The following NAV2 variants were observed in gnomAD, a reference collection of about 807,000 sequenced individuals.
The protein encoded by NAV2 is helicase, APC down-regulated 1.
A neutral mutation model predicts 223.2 loss-of-function variants in NAV2; 54 were observed. The ratio of observed to expected loss-of-function variants is 0.24; its 90% CI spans 0.19 to 0.30. The LOEUF is 0.30. Among genes scored for constraint, NAV2 ranks in the 10% least tolerant of loss-of-function variants. The pLI is 1.00. For missense variants in NAV2, 2,806 were observed against 3,147.5 expected, an observed-to-expected ratio of 0.89 and a Z score of 2.60; for synonymous variants, 1,279 against 1,239.3, an observed-to-expected ratio of 1.03 and a Z score of -0.67.
chr11:19,939,902 A>C, intron 8 of NAV2, 129 bp downstream of exon 8: 1 of 450,830 alleles, frequency 2.2e-6, no homozygotes, highest in East Asian at 3.8e-5. Flanking sequence ...AGCTAAACAA[A>C]CTTTCTTTCT....
chr11:19,816,151 G>A (rs1400233189), intron 1 of NAV2, among the ~76,000 whole-genome samples: 1 of 152,192 alleles, frequency 6.6e-6, no homozygotes. Flanking sequence ...CTGGGCTGGA[G>A]AAGGGCCCGG....
chr11:20,078,129 G>A (rs929296459), intron 24 of NAV2, 25 bp downstream of exon 24: 5 of 1,565,344 alleles, frequency 3.2e-6, no homozygotes, highest in East Asian at 2.3e-5. Context: ...ACAGCCTTTA[G>A]CCAGAAGACC....
chr11:19,744,356 T>G (rs565405813), intron 1 of NAV2, among the ~76,000 whole-genome samples: 1 of 152,292 alleles, frequency 6.6e-6, no homozygotes, highest in South Asian at 2.1e-4. Flanking sequence ...TGCCAGCTGT[T>G]GGCTGTCACT....
At chr11:19,550,723 A>G (rs1297550394) in intron 1 of NAV2, among the ~76,000 whole-genome samples, 1 of 152,186 alleles carries the variant, frequency 6.6e-6, no homozygotes, top group Non-Finnish European at 1.5e-5. Flanking sequence ...AGGAGGCAGG[A>G]CTCAACTCCT....
At chr11:19,784,388 TAAAAAAAAAAAAA>T (rs1162911472) in intron 1 of NAV2, among the ~76,000 whole-genome samples, 1 of 50,948 alleles carries the variant, frequency 2.0e-5, no homozygotes, top group East Asian at 6.8e-4. Context: ...AGCTCCATCT[TAAAAAAAAAAAAA>T]AAAAAAAAAA....
At chr11:19,548,876 CAAAAAAAAAAAAA>C (rs10709105) in intron 1 of NAV2, among the ~76,000 whole-genome samples, 19 of 78,644 alleles carry the variant, frequency 2.4e-4, no homozygotes, top group Non-Finnish European at 4.6e-4. Context: ...GGCTCCGTCT[CAAAAAAAAAAAAA>C]AAAAAAACAC....
chr11:19,879,859 T>A lies in NAV2; in HGVS notation c.512-10T>A. ...CCCCATCTGACAAGAGTCTCTTTAT[T>A]GTCTTGCAGAGATCAGGAATGGAAA... is the stretch of plus-strand genomic sequence containing the variant. On this transcript the variant is annotated splice_polypyrimidine_tract_variant and intron_variant, in intron 4 of 37. Transcript: ENST00000349880. 1 of 1,613,926 alleles carries A rather than the reference T, an allele frequency of 6.2e-7. No individual in the cohort carries two copies.
chr11:19,785,736 T>C (rs1374811412), intron 1 of NAV2, among the ~76,000 whole-genome samples: 2 of 151,906 alleles, frequency 1.3e-5, no homozygotes, highest in African/African-American at 4.8e-5. Context: ...GTGGGAGCTA[T>C]AGGCATGGTA....
chr11:20,115,624 TC>T (rs1347715370), intron 37 of NAV2, among the ~76,000 whole-genome samples: 1 of 56,774 alleles, frequency 1.8e-5, no homozygotes, highest in African/African-American at 7.0e-5. Context: ...AGAGCAAGAC[TC>T]CGTCTCAAAA....
intron 5 of NAV2, among the ~76,000 whole-genome samples, chr11:19,880,719 A>C (rs1340515611): frequency 6.6e-6 from 1 of 152,066 alleles, no homozygotes; most frequent in Admixed American, 6.6e-5. Context: ...TGGGGTCTGG[A>C]TTTTGTTCCC....
upstream of NAV2, among the ~76,000 whole-genome samples, chr11:19,350,360 G>C (rs4393295): frequency 6.6e-6 from 1 of 151,870 alleles, no homozygotes; most frequent in Non-Finnish European, 1.5e-5. Context: ...ACTGTTGAAC[G>C]TTTTCTCCTC....
intron 12 of NAV2, among the ~76,000 whole-genome samples, chr11:20,040,678 T>C (rs1253338737): frequency 1.3e-5 from 2 of 152,128 alleles, no homozygotes; most frequent in Non-Finnish European, 2.9e-5. Flanking sequence ...ATCGAATGAC[T>C]ACATAGACTT....
intron 1 of NAV2, among the ~76,000 whole-genome samples, chr11:19,687,368 T>C (rs1438973695): frequency 2.0e-5 from 3 of 152,220 alleles, no homozygotes; most frequent in Non-Finnish European, 4.4e-5. Flanking sequence ...CTGTGCTTGT[T>C]TTTACATTTA....
intron 10 of NAV2, among the ~76,000 whole-genome samples, chr11:19,978,126 G>T (rs546387627): frequency 5.2e-4 from 78 of 150,388 alleles, no homozygotes; most frequent in African/African-American, 1.9e-3. Flanking sequence ...CACCCAGCAA[G>T]GTCAGTTTTT....
At position 20,103,408 on chromosome 11, in the gene NAV2, T is replaced by A. The variant is rs1176813099; in HGVS notation, c.6571T>A (p.Cys2191Ser). The stretch of plus-strand genomic sequence containing the variant: ...GCTGCTCAACTGCAAGTACCACAAA[T>A]GGTAAAGGCTGGTTCTGGACCTCAT... Reference protein sequence around the residue: ...NGLLNCKYHKCPYIIGTMNQA... With the variant: ...NGLLNCKYHKSPYIIGTMNQA... Residue 2191 changes from cysteine (C) to serine (S), a missense_variant and splice_region_variant, in exon 33 of 38, where the codon TGC (cysteine) becomes AGC (serine). Coordinates refer to ENST00000349880, the MANE Select transcript of NAV2 (RefSeq NM_145117.5). 2 of 1,612,540 alleles carry A rather than the reference T, an allele frequency of 1.2e-6. No individual in the cohort carries two copies. Among genetic ancestry groups the A allele is most frequent in the African/African-American group, 2.7e-5 (2 of 74,908 alleles).
At chr11:19,805,804 C>T (rs1172193138) in intron 1 of NAV2, among the ~76,000 whole-genome samples, 1 of 152,182 alleles carries the variant, frequency 6.6e-6, no homozygotes, top group Non-Finnish European at 1.5e-5. Context: ...TCCTTCCAAA[C>T]CAGAGCATTC....
intron 1 of NAV2, among the ~76,000 whole-genome samples, chr11:19,741,620 C>A (rs1170717637): frequency 6.8e-6 from 1 of 147,498 alleles, no homozygotes; most frequent in Non-Finnish European, 1.5e-5. Context: ...ATGCAAATGG[C>A]ATGATTTCCT....
At chr11:19,620,412 T>A (rs1272728624) in intron 1 of NAV2, among the ~76,000 whole-genome samples, 1 of 152,262 alleles carries the variant, frequency 6.6e-6, no homozygotes, top group East Asian at 1.9e-4. Flanking sequence ...TTCTTCCATT[T>A]GTTTGTGTCC....
chr11:19,453,717 C>G (rs1851865874), intron 1 of NAV2, among the ~76,000 whole-genome samples: 1 of 152,198 alleles, frequency 6.6e-6, no homozygotes, highest in Admixed American at 6.5e-5. Context: ...CCACAGCTCT[C>G]TCCTCCTCCT....
Sources: gnomAD v4.1 joint callset for allele counts (sites outside exome capture counted in the v4.1 genomes callset) on GRCh38, gnomAD v4.1.1 for gene constraint, MANE v1.5 for transcripts, NCBI Gene and HGNC (gene_info 2026-07-23, HGNC 2026-07-21) for gene names.